BZW1: variants seen among roughly 807,000 people sequenced by gnomAD.
BZW1 encodes the protein eIF5-mimic protein 2.
BZW1 carries 3 observed loss-of-function variants against 54.1 expected under a neutral mutation model. The observed-to-expected ratio is 0.06, with a 90% CI of 0.03 to 0.14. The LOEUF (loss-of-function observed/expected upper bound fraction) is 0.14, where lower values mean the gene tolerates loss of function less well. BZW1 is among the 10% of genes least tolerant of loss of function. BZW1 has a pLI of 1.00. For missense variants in BZW1, 206 were observed against 491.7 expected (o/e 0.42, Z 5.50); for synonymous variants, 152 against 162.7 (o/e 0.93, Z 0.50).
intron 1 of BZW1, chr2:200,812,918 CTG>C: frequency 1.5e-6 from 1 of 663,154 alleles, no homozygotes; most frequent in Non-Finnish European, 2.8e-6. Flanking sequence ...GTGGAGAAAA[CTG>C]AACAATTAGG....
At chr2:200,821,374 A>G in intron 11 of BZW1, 69 bp downstream of exon 11, 3 of 1,563,628 alleles carry the variant, frequency 1.9e-6, no homozygotes, top group Non-Finnish European at 2.6e-6. Context: ...ATATCTTCAC[A>G]CATGCTTCCT....
intron 11 of BZW1, among the ~76,000 whole-genome samples, chr2:200,821,848 G>C (rs955637074): frequency 1.3e-5 from 2 of 152,184 alleles, no homozygotes; most frequent in African/African-American, 4.8e-5. Flanking sequence ...AGGCGATCAG[G>C]TCATTTGAGG....
intron 11 of BZW1, among the ~76,000 whole-genome samples, chr2:200,821,607 G>A (rs987709733): frequency 2.0e-5 from 3 of 150,924 alleles, no homozygotes; most frequent in Admixed American, 1.3e-4. Context: ...CTATGTTGCC[G>A]ATGCTGGTCT....
At chr2:200,816,028 A>G (rs181388790) in intron 4 of BZW1, among the ~76,000 whole-genome samples, 1 of 152,310 alleles carries the variant, frequency 6.6e-6, no homozygotes, top group East Asian at 1.9e-4. Flanking sequence ...TGGAAAAGTC[A>G]GTTTCGTATT....
At chr2:200,812,215 C>T (rs1449161840) in intron 1 of BZW1, 2 of 1,226,942 alleles carry the variant, frequency 1.6e-6, no homozygotes, top group Non-Finnish European at 2.0e-6. Context: ...GGGTGTGCGC[C>T]GCGGCGCTGG....
rs1035335705 is a variant in BZW1 at position 200,827,181 on chromosome 2, A to C, written c.*5003A>C. 5.3e-5 allele frequency: 8 copies of C among 152,220 alleles called. No homozygotes were observed. Among genetic ancestry groups the C allele is most frequent in the Non-Finnish European group, 7.3e-5 (5 of 68,042 alleles). The allele number at this position is 152,220 out of a possible 1,614,324, so 9.4% of individuals were successfully genotyped here. ...GAGAAAACTGGATAGCTGGTAACTC[A>C]TTTAGCTCTTGGCACTCTAAAAAAC... is the stretch of plus-strand genomic sequence containing the variant. On this transcript the variant is annotated 3_prime_UTR_variant, in exon 12 of 12. Transcript: ENST00000409600.
intron 1 of BZW1, chr2:200,812,511 C>T (rs1371204209): frequency 2.2e-6 from 3 of 1,381,830 alleles, no homozygotes; most frequent in African/African-American, 1.5e-5. Context: ...GAGAAAGAGC[C>T]GCGGGACCCT....
At position 200,823,317 on chromosome 2, in the gene BZW1, A is replaced by G. The variant is rs2038591643; in HGVS notation, c.*1139A>G. ...AACATACCCTAGTTGCCGTTTTTTA[A>G]TTGCCATGAGCCAAATACTTCTTGG... On this transcript the variant is annotated 3_prime_UTR_variant, in exon 12 of 12. Coordinates refer to ENST00000409600, the MANE Select transcript of BZW1 (RefSeq NM_001207067.2). 6.2e-6 allele frequency: 1 copy of G among 162,200 alleles called. No individual in the cohort carries two copies. The highest frequency in any genetic ancestry group is 2.4e-5 in the African/African-American group (1 of 41,472). The allele number at this position is 162,200 out of a possible 1,614,324, so 10.0% of individuals were successfully genotyped here.
intron 6 of BZW1, 54 bp from the exon 7 acceptor site, chr2:200,817,920 A>C (rs1224863444): frequency 1.1e-5 from 14 of 1,237,368 alleles, no homozygotes; most frequent in Non-Finnish European, 1.1e-5. Context: ...AGGGGGACAC[A>C]GTGATTGAAA....
chr2:200,812,648 A>G lies in BZW1; in HGVS notation c.-10-560A>G. On this transcript the variant is annotated intron_variant, in intron 1 of 11. Coordinates refer to ENST00000409600, the MANE Select transcript of BZW1 (RefSeq NM_001207067.2). ...GGGGAGGAGGCTAGGACTGTGGGAT[A>G]TGGGCGAAGGAGGCTGGGCTGGCTG... 1.6e-6 allele frequency: 2 copies of G among 1,228,998 alleles called. No individual in the cohort carries two copies. The highest frequency in any genetic ancestry group is 1.5e-5 in the South Asian group (1 of 66,830). 76.1% of individuals were successfully genotyped at this position (1,228,998 alleles called of 1,614,324 possible).
At chr2:200,813,870 CAG>C (rs1055583978) in intron 2 of BZW1, among the ~76,000 whole-genome samples, 3 of 152,098 alleles carry the variant, frequency 2.0e-5, no homozygotes, top group African/African-American at 4.8e-5. Context: ...GACGTAGTCT[CAG>C]ATATATTTTT....
intron 10 of BZW1, 198 bp downstream of exon 10, chr2:200,820,318 A>C (rs2038462919): frequency 2.4e-6 from 1 of 424,904 alleles, no homozygotes; most frequent in Non-Finnish European, 4.1e-6. Context: ...CACAAGTTGA[A>C]GTATGAAATC....
At chr2:200,812,685 G>A (rs1006531359) in intron 1 of BZW1, 9 of 1,010,022 alleles carry the variant, frequency 8.9e-6, no homozygotes, top group African/African-American at 3.2e-5. Flanking sequence ...TAGTTTTGCA[G>A]GCCTGAGTGG....
intron 9 of BZW1, 33 bp from the exon 10 acceptor site, chr2:200,819,949 A>T: frequency 6.8e-7 from 1 of 1,462,692 alleles, no homozygotes; most frequent in Non-Finnish European, 9.1e-7. Flanking sequence ...ATTTGTAATG[A>T]ATGACTAAAT....
intron 1 of BZW1, 187 bp downstream of exon 1, chr2:200,812,177 C>A: frequency 8.4e-7 from 1 of 1,194,040 alleles, no homozygotes; most frequent in Non-Finnish European, 1.0e-6. Flanking sequence ...CGAGGGGTAG[C>A]GGCGGCCCGG....
At position 200,813,295 on chromosome 2, in the gene BZW1, T is replaced by G; in HGVS notation, c.64+14T>G. 6.2e-7 allele frequency: 1 copy of G among 1,603,674 alleles called. No homozygotes were observed. Among genetic ancestry groups the G allele is most frequent in the Non-Finnish European group, 8.5e-7 (1 of 1,171,470 alleles). ...CTAGAAAAAGAGGTAAATATTTACG[T>G]TTTAATGTCTCTCTTCAAACCTCCA... On this transcript the variant is annotated intron_variant, in intron 2 of 11. Transcript: ENST00000409600.
intron 11 of BZW1, 67 bp from the exon 12 acceptor site, chr2:200,822,080 A>G: frequency 1.4e-6 from 2 of 1,449,164 alleles, no homozygotes; most frequent in Non-Finnish European, 1.9e-6. Flanking sequence ...AAGAAGCTTC[A>G]AAGTTATAAA....
chr2:200,818,517 C>T, intron 8 of BZW1, 124 bp downstream of exon 8: 2 of 1,219,664 alleles, frequency 1.6e-6, no homozygotes, highest in Non-Finnish European at 2.3e-6. Context: ...TATACTGGAA[C>T]TTTGCCTCAT....
chr2:200,818,923 A>G (rs766917456), intron 9 of BZW1, 22 bp downstream of exon 9: 7 of 1,534,626 alleles, frequency 4.6e-6, no homozygotes, highest in East Asian at 2.4e-5. Context: ...ATGCCTTGAC[A>G]AAACAAACTA....
Sources: gnomAD v4.1 joint callset for allele counts (sites outside exome capture counted in the v4.1 genomes callset) on GRCh38, gnomAD v4.1.1 for gene constraint, MANE v1.5 for transcripts, NCBI Gene and HGNC (gene_info 2026-07-23, HGNC 2026-07-21) for gene names.